Variants in MAP3K13 observed in about 807,000 individuals in gnomAD.
The protein encoded by MAP3K13 is leucine zipper-bearing kinase.
In MAP3K13, 52 loss-of-function variants were observed where a neutral mutation model predicts 104.0. The ratio of observed to expected loss-of-function variants is 0.50; its 90% CI spans 0.40 to 0.63. MAP3K13 has a LOEUF of 0.63. Ranked by LOEUF, MAP3K13 falls within the 20% of genes least tolerant of loss-of-function variation. MAP3K13 has a pLI of 0.00. For missense variants in MAP3K13, 914 were observed against 1,218.5 expected (o/e 0.75, Z 3.72); for synonymous variants, 394 against 442.2 (o/e 0.89, Z 1.37).
rs796175723 is a variant in MAP3K13 at position 185,454,756 on chromosome 3, G to T, written c.1278+3361G>T. ...TATGATATATATATCATATATATGA[G>T]ATATATATGACATATATATGAGATA... On this transcript the variant is annotated intron_variant, in intron 7 of 13. Coordinates refer to ENST00000265026, the MANE Select transcript of MAP3K13 (RefSeq NM_004721.5). Among the ~76,000 whole-genome samples the T allele has an allele frequency of 6.2e-3, 75 of 12,010 alleles. 13 individuals carry two copies. Among genetic ancestry groups the T allele is most frequent in the South Asian group, 9.0e-3 (3 of 332 alleles). 7.9% of individuals were successfully genotyped at this position (12,010 alleles called of 152,430 possible).
intron 10 of MAP3K13, among the ~76,000 whole-genome samples, chr3:185,467,506 T>A (rs559895644): frequency 2.0e-5 from 3 of 151,916 alleles, no homozygotes; most frequent in Non-Finnish European, 4.4e-5. Flanking sequence ...AATACCTGAC[T>A]GGGTGCGGTG....
At chr3:185,386,792 A>C (rs1711723325) in intron 1 of MAP3K13, among the ~76,000 whole-genome samples, 2 of 152,238 alleles carry the variant, frequency 1.3e-5, no homozygotes, top group South Asian at 4.1e-4. Flanking sequence ...TAGCAAACTA[A>C]TGCAGGAATA....
intron 1 of MAP3K13, among the ~76,000 whole-genome samples, chr3:185,427,805 A>G (rs7619320): frequency 0.2 from 30,491 of 152,118 alleles, 3,386 homozygotes; most frequent in East Asian, 0.45. Flanking sequence ...TAGGCCGGGC[A>G]CGGTGGCTCA....
At chr3:185,356,943 C>T (rs990347944) in intron 2 of MAP3K13, among the ~76,000 whole-genome samples, 2 of 152,048 alleles carry the variant, frequency 1.3e-5, no homozygotes, top group East Asian at 1.9e-4. Flanking sequence ...CTCTGCCGCC[C>T]GACTTTAAAA....
At chr3:185,454,556 CAT>C (rs1170669307) in intron 7 of MAP3K13, among the ~76,000 whole-genome samples, 71 of 53,838 alleles carry the variant, frequency 1.3e-3, no homozygotes, top group African/African-American at 4.1e-3. Flanking sequence ...GATATATACA[CAT>C]ATATATGATA....
intron 1 of MAP3K13, among the ~76,000 whole-genome samples, chr3:185,426,389 T>C (rs140870733): frequency 5.7e-4 from 87 of 152,320 alleles, no homozygotes; most frequent in African/African-American, 2.0e-3. Flanking sequence ...AAGGATACGA[T>C]GTTTTCATTG....
At chr3:185,380,068 C>T (rs536941811) in intron 1 of MAP3K13, among the ~76,000 whole-genome samples, 5 of 151,838 alleles carry the variant, frequency 3.3e-5, no homozygotes, top group South Asian at 4.2e-4. Flanking sequence ...TGCCTTTAGT[C>T]CCAGCTACTC....
At chr3:185,433,678 G>A (rs1382751863) in intron 2 of MAP3K13, among the ~76,000 whole-genome samples, 1 of 152,116 alleles carries the variant, frequency 6.6e-6, no homozygotes, top group Non-Finnish European at 1.5e-5. Flanking sequence ...TTCATTACCA[G>A]TACTATCCAC....
intron 2 of MAP3K13, among the ~76,000 whole-genome samples, chr3:185,355,828 A>G (rs978791197): frequency 1.3e-5 from 2 of 152,244 alleles, no homozygotes; most frequent in Non-Finnish European, 2.9e-5. Flanking sequence ...GAGAAAATGC[A>G]TGAAATTCAG....
intron 2 of MAP3K13, among the ~76,000 whole-genome samples, chr3:185,300,979 A>G (rs1200101427): frequency 6.6e-6 from 1 of 152,112 alleles, no homozygotes; most frequent in Non-Finnish European, 1.5e-5. Context: ...TGGGATTGCT[A>G]GGTCATATGG....
At chr3:185,448,357 G>A (rs1434683595) in intron 5 of MAP3K13, among the ~76,000 whole-genome samples, 1 of 152,054 alleles carries the variant, frequency 6.6e-6, no homozygotes, top group African/African-American at 2.4e-5. Flanking sequence ...ACCTTGCTAT[G>A]ATACAATTAT....
At chr3:185,374,898 A>G (rs1724351908) in intron 1 of MAP3K13, among the ~76,000 whole-genome samples, 1 of 152,152 alleles carries the variant, frequency 6.6e-6, no homozygotes, top group Non-Finnish European at 1.5e-5. Flanking sequence ...GGAGAGAGGT[A>G]GAGGGTGGCA....
At chr3:185,406,749 C>T (rs1175029016) in intron 1 of MAP3K13, among the ~76,000 whole-genome samples, 1 of 152,122 alleles carries the variant, frequency 6.6e-6, no homozygotes. Flanking sequence ...TGATTTTTCC[C>T]ATAGGTATTT....
At chr3:185,342,342 G>C (rs1265774077) in intron 2 of MAP3K13, among the ~76,000 whole-genome samples, 1 of 152,174 alleles carries the variant, frequency 6.6e-6, no homozygotes, top group Non-Finnish European at 1.5e-5. Context: ...CCCTTCTGCA[G>C]TTTTCAATGC....
At chr3:185,325,885 GC>G (rs1447358485) in intron 2 of MAP3K13, among the ~76,000 whole-genome samples, 1 of 152,182 alleles carries the variant, frequency 6.6e-6, no homozygotes, top group Non-Finnish European at 1.5e-5. Context: ...TGGTTCTTGA[GC>G]AAGCCAAGGT....
At chr3:185,285,005 A>G (rs1351891494) in intron 1 of MAP3K13, among the ~76,000 whole-genome samples, 1 of 151,954 alleles carries the variant, frequency 6.6e-6, no homozygotes, top group Non-Finnish European at 1.5e-5. Flanking sequence ...ATAGTGGGGT[A>G]GGAAACCCTG....
intron 2 of MAP3K13, among the ~76,000 whole-genome samples, chr3:185,305,284 G>T (rs1298071163): frequency 6.6e-6 from 1 of 151,954 alleles, no homozygotes; most frequent in African/African-American, 2.4e-5. Flanking sequence ...ATCTTCTAAA[G>T]GTATTTTCTT....
chr3:185,434,934 T>C lies in MAP3K13; in HGVS notation c.476-2513T>C, dbSNP rs568610198. On this transcript the variant is annotated intron_variant, in intron 2 of 13. Transcript: ENST00000265026. ...GCCCCAGAGTCCAGTAATAATACTT[T>C]ATTCAGCCCCCAGAATTGTCAAAAT... Among the ~76,000 whole-genome samples the C allele has an allele frequency of 1.1e-4, 17 of 152,238 alleles. No individual in the cohort carries two copies. In the East Asian group the frequency reaches 3.3e-3, roughly 29 times the overall value.
intron 2 of MAP3K13, among the ~76,000 whole-genome samples, chr3:185,286,493 A>G (rs1326993661): frequency 1.3e-5 from 2 of 151,948 alleles, no homozygotes; most frequent in East Asian, 3.9e-4. Flanking sequence ...ATTGTTTGAA[A>G]TTAAAAAAAA....
Sources: allele counts gnomAD v4.1 joint callset (sites outside exome capture counted in the v4.1 genomes callset), GRCh38; gene constraint gnomAD v4.1.1; transcripts MANE v1.5; gene names NCBI Gene and HGNC (gene_info 2026-07-23, HGNC 2026-07-21).